The following SCFD2 variants were observed in gnomAD, a reference collection of about 807,000 sequenced individuals.
SCFD2 encodes the protein sec1 family domain containing 2.
In SCFD2, 54 loss-of-function variants were observed where a neutral mutation model predicts 58.9. That is an observed-to-expected ratio of 0.92 (90% CI 0.74 to 1.15). The LOEUF is 1.15. Ranked by LOEUF, SCFD2 falls within the 50% of genes most tolerant of loss-of-function variation. SCFD2 has a pLI of 0.00. For missense variants in SCFD2, 805 were observed against 836.6 expected (o/e 0.96, Z 0.47); for synonymous variants, 321 against 335.9 (o/e 0.96, Z 0.49).
chr4:53,308,036 T>A (rs1240720497), intron 3 of SCFD2, among the ~76,000 whole-genome samples: 1 of 152,184 alleles, frequency 6.6e-6, no homozygotes, highest in African/African-American at 2.4e-5. Flanking sequence ...AGCCCCAGCA[T>A]CACGAAGTGG....
intron 5 of SCFD2, among the ~76,000 whole-genome samples, chr4:53,096,391 C>A (rs1724635773): frequency 6.6e-6 from 1 of 152,310 alleles, no homozygotes; most frequent in Non-Finnish European, 1.5e-5. Flanking sequence ...TGTTTCCTGA[C>A]TTTTTAATGA....
intron 3 of SCFD2, among the ~76,000 whole-genome samples, chr4:53,303,594 A>T (rs1732408907): frequency 6.6e-6 from 1 of 152,172 alleles, no homozygotes. Context: ...CAGCCATCCC[A>T]TTACTGTGTA....
At chr4:53,340,532 G>A (rs1278020369) in intron 2 of SCFD2, among the ~76,000 whole-genome samples, 1 of 152,188 alleles carries the variant, frequency 6.6e-6, no homozygotes, top group African/African-American at 2.4e-5. Flanking sequence ...CCACCTCTGG[G>A]GACAGGGCAT....
At chr4:53,075,374 A>C (rs1723942675) in intron 5 of SCFD2, among the ~76,000 whole-genome samples, 1 of 152,150 alleles carries the variant, frequency 6.6e-6, no homozygotes, top group Non-Finnish European at 1.5e-5. Context: ...TGGCTGTTTC[A>C]GTTACTTATT....
rs1010151074 is a variant in SCFD2, at chr4:52,874,117, G to A, written c.1963-56C>T. The A allele has an allele frequency of 3.5e-6, 4 of 1,132,586 alleles. No homozygotes were observed. The African/African-American group carries it at 6.1e-5, about 17-fold the overall frequency. 70.2% of individuals were successfully genotyped at this position (1,132,586 alleles called of 1,614,324 possible). On this transcript the variant is annotated intron_variant, in intron 8 of 8. Coordinates refer to ENST00000401642, the MANE Select transcript of SCFD2 (RefSeq NM_152540.4). ...GGGAATTAGGGGGGCCAATCTCAGG[G>A]TATTGGATGATGAGAAATAGAATGC...
intron 8 of SCFD2, among the ~76,000 whole-genome samples, chr4:52,882,021 AG>A (rs746541131): frequency 6.6e-6 from 1 of 151,996 alleles, no homozygotes; most frequent in Non-Finnish European, 1.5e-5. Flanking sequence ...CATGGTAGAG[AG>A]GAGGAGGAGG....
chr4:52,983,308 T>C (rs140344398), intron 5 of SCFD2, among the ~76,000 whole-genome samples: 11 of 152,312 alleles, frequency 7.2e-5, no homozygotes, highest in African/African-American at 2.6e-4. Flanking sequence ...AACATCACAG[T>C]ACAGCAGAGA....
rs553601386 is a variant in SCFD2 at position 53,218,376 on chromosome 4, C to T, written c.1311+55450G>A. Reference sequence around the variant, plus strand: ...TTTTTTCTCTAAACTTCTCTTCTCGCTTCATTTCATTCATTTGATCTTCTG... The same window carrying T: ...TTTTTTCTCTAAACTTCTCTTCTCGTTTCATTTCATTCATTTGATCTTCTG... On this transcript the variant is annotated intron_variant, in intron 4 of 8. Coordinates refer to ENST00000401642, the MANE Select transcript of SCFD2 (RefSeq NM_152540.4). 5.9e-5 allele frequency among the ~76,000 whole-genome samples: 9 copies of T among 152,302 alleles called. No individual in the cohort carries two copies. In the South Asian group the frequency reaches 1.5e-3, roughly 25 times the overall value.
At chr4:53,308,240 A>T (rs1434613995) in intron 3 of SCFD2, among the ~76,000 whole-genome samples, 1 of 152,236 alleles carries the variant, frequency 6.6e-6, no homozygotes, top group Non-Finnish European at 1.5e-5. Flanking sequence ...CAAAGTAGCT[A>T]TTCAATAAAA....
intron 4 of SCFD2, among the ~76,000 whole-genome samples, chr4:53,220,631 G>T (rs1037699773): frequency 4.6e-5 from 7 of 152,106 alleles, no homozygotes; most frequent in African/African-American, 1.4e-4. Flanking sequence ...CAGCACACAA[G>T]AGTTTTATAG....
intron 4 of SCFD2, among the ~76,000 whole-genome samples, chr4:53,191,882 G>A (rs76503739): frequency 1.3e-5 from 2 of 152,106 alleles, no homozygotes; most frequent in Non-Finnish European, 2.9e-5. Flanking sequence ...TGTCCCTGGA[G>A]CACTCTTTTC....
At chr4:53,305,261 A>G (rs879816805) in intron 3 of SCFD2, among the ~76,000 whole-genome samples, 2 of 152,154 alleles carry the variant, frequency 1.3e-5, no homozygotes, top group Non-Finnish European at 2.9e-5. Context: ...TTCTCTTCTA[A>G]GAGTGTTATG....
chr4:53,120,923 G>C (rs997787807), intron 5 of SCFD2, among the ~76,000 whole-genome samples: 3 of 152,148 alleles, frequency 2.0e-5, no homozygotes, highest in African/African-American at 7.2e-5. Flanking sequence ...GCCCTGTAAG[G>C]TCTCTTCTTC....
intron 2 of SCFD2, among the ~76,000 whole-genome samples, chr4:53,326,152 A>C (rs1429054844): frequency 6.6e-6 from 1 of 151,904 alleles, no homozygotes; most frequent in Non-Finnish European, 1.5e-5. Context: ...ATTTTATTTT[A>C]TTTTATTTGA....
At chr4:53,341,015 A>AG in intron 2 of SCFD2, among the ~76,000 whole-genome samples, 1 of 152,320 alleles carries the variant, frequency 6.6e-6, no homozygotes, top group Non-Finnish European at 1.5e-5. Flanking sequence ...GGGAAAAAAC[A>AG]GAGCAGAAAA....
chr4:53,248,533 T>A (rs1407254786), intron 4 of SCFD2, among the ~76,000 whole-genome samples: 1 of 152,184 alleles, frequency 6.6e-6, no homozygotes, highest in African/African-American at 2.4e-5. Flanking sequence ...GTCTGACAGC[T>A]TTGAAGAGAG....
chr4:53,035,325 C>T (rs181552934), intron 5 of SCFD2, among the ~76,000 whole-genome samples: 1 of 152,240 alleles, frequency 6.6e-6, no homozygotes, highest in East Asian at 1.9e-4. Context: ...AAAATTAACT[C>T]AAGATGGATC....
intron 4 of SCFD2, among the ~76,000 whole-genome samples, chr4:53,225,631 G>A (rs1478968846): frequency 6.6e-6 from 1 of 152,134 alleles, no homozygotes; most frequent in East Asian, 1.9e-4. Flanking sequence ...TATTGCCAAA[G>A]GGCGACTACC....
intron 2 of SCFD2, among the ~76,000 whole-genome samples, chr4:53,340,721 G>A (rs1389095556): frequency 6.6e-6 from 1 of 152,168 alleles, no homozygotes; most frequent in South Asian, 2.1e-4. Context: ...AATAGGGGGC[G>A]ACGGACACCT....
Sources: gnomAD v4.1 joint callset for allele counts (sites outside exome capture counted in the v4.1 genomes callset) on GRCh38, gnomAD v4.1.1 for gene constraint, MANE v1.5 for transcripts, NCBI Gene and HGNC (gene_info 2026-07-23, HGNC 2026-07-21) for gene names.